FMNL3: variants seen among roughly 807,000 people sequenced by gnomAD.
The protein encoded by FMNL3 is formin like 3.
FMNL3 carries 57 observed loss-of-function variants against 119.6 expected under a neutral mutation model. That is an observed-to-expected ratio of 0.48 (90% CI 0.39 to 0.59). FMNL3 has a LOEUF of 0.59. Ranked by LOEUF, FMNL3 falls within the 20% of genes least tolerant of loss-of-function variation. The pLI is 0.00. For missense variants in FMNL3, 1,053 were observed against 1,323.5 expected, an observed-to-expected ratio of 0.80 and a Z score of 3.17; for synonymous variants, 491 against 507.3, an observed-to-expected ratio of 0.97 and a Z score of 0.43.
At chr12:49,658,745 C>G (rs1943650408) in intron 5 of FMNL3, among the ~76,000 whole-genome samples, 151 bp from the exon 6 acceptor site, 1 of 150,670 alleles carries the variant, frequency 6.6e-6, no homozygotes, top group Non-Finnish European at 1.5e-5. Flanking sequence ...AACTGGGGAG[C>G]AGAGACCTGA....
chr12:49,681,723 A>T (rs1944340370), intron 1 of FMNL3, among the ~76,000 whole-genome samples: 1 of 143,204 alleles, frequency 7.0e-6, no homozygotes. Context: ...CGCTTGGCTA[A>T]TTTTTTTTTT....
chr12:49,675,190 C>T (rs1245969118), intron 1 of FMNL3, among the ~76,000 whole-genome samples: 1 of 152,182 alleles, frequency 6.6e-6, no homozygotes, highest in Non-Finnish European at 1.5e-5. Flanking sequence ...CTGGCCTGCC[C>T]AGTCAAAAAA....
chr12:49,642,098 C>A lies in FMNL3; in HGVS notation c.*3717G>T. The A allele has an allele frequency of 3.7e-6, 6 of 1,601,458 alleles. No individual in the cohort carries two copies. The highest frequency in any genetic ancestry group is 5.1e-6 in the Non-Finnish European group (6 of 1,171,082). On this transcript the variant is annotated 3_prime_UTR_variant, in exon 26 of 26. Transcript: ENST00000335154. The surrounding 1 kb of genome is among the most constrained non-coding windows in gnomAD (Gnocchi z 5.8). ...TGCTCCATTCCTTCTCACTCACTGT[C>A]CCACTGACTATATTCCCAATTCAGG...
At chr12:49,670,306 C>A (rs1944010185) in intron 1 of FMNL3, among the ~76,000 whole-genome samples, 1 of 152,234 alleles carries the variant, frequency 6.6e-6, no homozygotes, top group South Asian at 2.1e-4. Flanking sequence ...TTTATTCTGT[C>A]ATATTATCTA....
In FMNL3 at chr12:49,660,888, G is replaced by A. The variant is rs184941211; in HGVS notation, c.452+1078C>T. 3.3e-3 allele frequency among the ~76,000 whole-genome samples: 506 copies of A among 152,348 alleles called. 5 individuals are homozygous for A. The highest frequency in any genetic ancestry group is 3.9e-3 in the Non-Finnish European group (265 of 68,030). ...GAGGCAGGACTGAGGCAGGAAGACTGCTTGAGCCCAGGAAGTCAAGCCTGT... is the reference window on the plus strand; with the variant it reads ...GAGGCAGGACTGAGGCAGGAAGACTACTTGAGCCCAGGAAGTCAAGCCTGT... On this transcript the variant is annotated intron_variant, in intron 5 of 25. Transcript: ENST00000335154.
At chr12:49,705,463 A>G (rs1281044110) in intron 1 of FMNL3, among the ~76,000 whole-genome samples, 1 of 152,166 alleles carries the variant, frequency 6.6e-6, no homozygotes, top group Non-Finnish European at 1.5e-5. Context: ...CTCCCACCTA[A>G]GGCAGCCTCC....
At position 49,707,136 on chromosome 12, in the gene FMNL3, G is replaced by A. The variant is rs1185308821; in HGVS notation, c.45C>T (p.Pro15=). 3.1e-6 allele frequency: 5 copies of A among 1,599,978 alleles called. No homozygotes were observed. The highest frequency in any genetic ancestry group is 2.3e-5 in the East Asian group (1 of 43,368). ...ESAEGVPGEP[P]SVPLLLPPGK... Reference sequence around the variant, plus strand: ...CGGGCGGCAGCAACAACGGGACAGAGGGGGGCTCTCCCGGGACCCCCTCGG... The same window carrying A: ...CGGGCGGCAGCAACAACGGGACAGAAGGGGGCTCTCCCGGGACCCCCTCGG... Residue 15 remains proline, a synonymous_variant, in exon 1 of 26, where the codon CCC becomes CCT. Coordinates refer to ENST00000335154, the MANE Select transcript of FMNL3 (RefSeq NM_175736.5).
intron 1 of FMNL3, among the ~76,000 whole-genome samples, chr12:49,691,294 A>G (rs1944593766): frequency 6.6e-6 from 1 of 152,174 alleles, no homozygotes. Context: ...TAAAATTATT[A>G]GCTATCCTTA....
At position 49,643,198 on chromosome 12, in the gene FMNL3, G is replaced by A. The variant is rs1942901425; in HGVS notation, c.*2617C>T. ...CTGGAGGGCAGAGAACCTCTGCACTGACATGTATCTGCTGATCTGCCCAGG... is the reference window on the plus strand; with the variant it reads ...CTGGAGGGCAGAGAACCTCTGCACTAACATGTATCTGCTGATCTGCCCAGG... On this transcript the variant is annotated 3_prime_UTR_variant, in exon 26 of 26. Coordinates refer to ENST00000335154, the MANE Select transcript of FMNL3 (RefSeq NM_175736.5). 1 of 1,613,462 alleles carries A rather than the reference G, an allele frequency of 6.2e-7. No homozygotes were observed. The highest frequency in any genetic ancestry group is 2.2e-5 in the East Asian group (1 of 44,888).
At chr12:49,682,608 A>G (rs1412517615) in intron 1 of FMNL3, among the ~76,000 whole-genome samples, 1 of 152,202 alleles carries the variant, frequency 6.6e-6, no homozygotes, top group Non-Finnish European at 1.5e-5. Context: ...TGGCCTCCCA[A>G]AACATTGAAA....
chr12:49,685,730 A>G (rs1944440390), intron 1 of FMNL3, among the ~76,000 whole-genome samples: 1 of 152,240 alleles, frequency 6.6e-6, no homozygotes, highest in Non-Finnish European at 1.5e-5. Context: ...AGGCTCCTCA[A>G]TACCAGATCT....
At chr12:49,696,160 C>T (rs1332987834) in intron 1 of FMNL3, among the ~76,000 whole-genome samples, 1 of 152,182 alleles carries the variant, frequency 6.6e-6, no homozygotes, top group African/African-American at 2.4e-5. Flanking sequence ...ATAGTAATTG[C>T]ATACAACCTA....
At chr12:49,683,895 C>T (rs188600908) in intron 1 of FMNL3, among the ~76,000 whole-genome samples, 37 of 152,314 alleles carry the variant, frequency 2.4e-4, no homozygotes, top group Non-Finnish European at 4.0e-4. Flanking sequence ...TCTGCTCATG[C>T]TGTCCTCTCT....
chr12:49,696,906 A>C (rs1210291180), intron 1 of FMNL3, among the ~76,000 whole-genome samples: 1 of 152,210 alleles, frequency 6.6e-6, no homozygotes, highest in African/African-American at 2.4e-5. Flanking sequence ...TTCCTGCAGT[A>C]GAGTTTCCTC....
Position 49,647,930 on chromosome 12 carries a change from C to G in FMNL3, c.2677-126G>C. The G allele has an allele frequency of 1.2e-6, 1 of 834,182 alleles. No homozygotes were observed. The highest frequency in any genetic ancestry group is 3.2e-4 in the Middle Eastern group (1 of 3,144). The allele number at this position is 834,182 out of a possible 1,614,324, so 51.7% of individuals were successfully genotyped here. On this transcript the variant is annotated intron_variant, in intron 22 of 25. Coordinates refer to ENST00000335154, the MANE Select transcript of FMNL3 (RefSeq NM_175736.5). This position sits in a 1 kb window ranked among gnomAD's most constrained non-coding sequence, Gnocchi z 4.9. The stretch of plus-strand genomic sequence containing the variant: ...AGGGAGGAAAACCAAGCACCCAGGC[C>G]CCTGTGAGCTGGAGGGAACCTGGGG...
Position 49,656,322 on chromosome 12 carries a change from C to T in FMNL3, c.885+82G>A, listed in dbSNP as rs191961494. ...GGATGTTAAAAATCATTGCAGATCA[C>T]AGGAAATGGTGCTTACCAACCTAGC... On this transcript the variant is annotated intron_variant, in intron 9 of 25. Coordinates refer to ENST00000335154, the MANE Select transcript of FMNL3 (RefSeq NM_175736.5). The T allele has an allele frequency of 2.3e-5, 24 of 1,065,324 alleles. No individual in the cohort carries two copies. In the Admixed American group the frequency reaches 3.6e-4, roughly 16 times the overall value. The allele number at this position is 1,065,324 out of a possible 1,614,324, so 66.0% of individuals were successfully genotyped here. A position where few individuals can be genotyped will look rare whatever the true frequency, so the allele number is the denominator to read the frequency against.
chr12:49,636,607 G>C lies in FMNL3; in HGVS notation c.*9208C>G. 6.7e-7 allele frequency: 1 copy of C among 1,490,596 alleles called. No individual in the cohort carries two copies. The highest frequency in any genetic ancestry group is 1.2e-5 in the South Asian group (1 of 82,102). The allele number at this position is 1,490,596 out of a possible 1,614,324, so 92.3% of individuals were successfully genotyped here. ...CTCCAGGCCCTTCCCCCACCACCCT[G>C]GGTATCCCTAGCACCTGTAGGACAG... On this transcript the variant is annotated 3_prime_UTR_variant, in exon 26 of 26. Coordinates refer to ENST00000335154, the MANE Select transcript of FMNL3 (RefSeq NM_175736.5).
chr12:49,668,235 T>C (rs553890686), intron 2 of FMNL3, among the ~76,000 whole-genome samples: 7 of 152,344 alleles, frequency 4.6e-5, no homozygotes, highest in African/African-American at 1.7e-4. Flanking sequence ...CCTTATACTA[T>C]TGCCCATTGG....
Position 49,641,066 on chromosome 12 carries a change from T to G in FMNL3, c.*4749A>C, listed in dbSNP as rs1023276212. ...AAAGGGAATCTGGCCTGTGCTTAAC[T>G]GACGTGAGAGCCAGACTTTGAACTC... On this transcript the variant is annotated 3_prime_UTR_variant, in exon 26 of 26. Transcript: ENST00000335154. 2.6e-5 allele frequency: 4 copies of G among 152,240 alleles called. No homozygotes were observed. Among genetic ancestry groups the G allele is most frequent in the African/African-American group, 9.6e-5 (4 of 41,464 alleles). 9.4% of individuals were successfully genotyped at this position (152,240 alleles called of 1,614,324 possible).
Sources: gnomAD v4.1 joint callset for allele counts (sites outside exome capture counted in the v4.1 genomes callset) on GRCh38, gnomAD v4.1.1 for gene constraint, Gnocchi (gnomAD v3.1) non-coding constraint, MANE v1.5 for transcripts, NCBI Gene and HGNC (gene_info 2026-07-23, HGNC 2026-07-21) for gene names.